MGA: variants seen among roughly 807,000 people sequenced by gnomAD.
MGA encodes MAX dimerization protein MGA.
In MGA, 40 loss-of-function variants were observed where a neutral mutation model predicts 261.1. The observed-to-expected ratio is 0.15, with a 90% CI of 0.12 to 0.20. MGA has a LOEUF of 0.20. Among genes scored for constraint, MGA ranks in the 10% least tolerant of loss-of-function variants. MGA has a pLI of 1.00. For missense variants in MGA, 3,397 were observed against 3,630.5 expected (o/e 0.94, Z 1.65); for synonymous variants, 1,302 against 1,290.6 (o/e 1.01, Z -0.19).
At chr15:41,746,957 T>A (rs1017004885) in intron 15 of MGA, among the ~76,000 whole-genome samples, 1 of 86,782 alleles carries the variant, frequency 1.2e-5, no homozygotes, top group Non-Finnish European at 2.2e-5. Context: ...TTCCTACCTC[T>A]TTATCTCTTT....
intron 22 of MGA, among the ~76,000 whole-genome samples, chr15:41,764,393 A>G (rs1351860576): frequency 6.6e-6 from 1 of 151,728 alleles, no homozygotes; most frequent in African/African-American, 2.4e-5. Context: ...AGCTGGGACT[A>G]CAGGCGCCCG....
At chr15:41,660,154 G>C (rs1293036373), upstream of MGA, among the ~76,000 whole-genome samples, 1 of 152,226 alleles carries the variant, frequency 6.6e-6, no homozygotes, top group East Asian at 1.9e-4. Flanking sequence ...CAAGCCTGAG[G>C]AGTTTAGGTG....
chr15:41,635,995 T>G (rs952590985), intron 1 of MGA, among the ~76,000 whole-genome samples: 1 of 152,198 alleles, frequency 6.6e-6, no homozygotes, highest in Non-Finnish European at 1.5e-5. Context: ...CAGTACTAGA[T>G]GATACTGCAA....
At chr15:41,694,261 C>G (rs1242626291) in intron 2 of MGA, among the ~76,000 whole-genome samples, 1 of 151,688 alleles carries the variant, frequency 6.6e-6, no homozygotes, top group East Asian at 2.0e-4. Context: ...ACTAAAAATA[C>G]AAAAATTAGC....
chr15:41,662,876 T>G (rs1181896829), intron 1 of MGA, among the ~76,000 whole-genome samples: 2 of 152,206 alleles, frequency 1.3e-5, no homozygotes, highest in African/African-American at 4.8e-5. Context: ...TATGAAAGGT[T>G]GTAGAAGTTT....
At chr15:41,643,078 TA>T (rs2056857414) in intron 1 of MGA, among the ~76,000 whole-genome samples, 2 of 151,344 alleles carry the variant, frequency 1.3e-5, no homozygotes, top group African/African-American at 4.8e-5. Flanking sequence ...AATTATTTTT[TA>T]TTTTTTTTTT....
intron 1 of MGA, among the ~76,000 whole-genome samples, chr15:41,623,433 G>T (rs1281804312): frequency 6.6e-6 from 1 of 152,130 alleles, no homozygotes; most frequent in African/African-American, 2.4e-5. Flanking sequence ...GAGAAAAAAT[G>T]GGATTTCTAC....
rs1368252576 is a variant in MGA, at chr15:41,765,171, G to C, written c.7921+109G>C. On this transcript the variant is annotated intron_variant, in intron 23 of 23. Coordinates refer to ENST00000219905, the MANE Select transcript of MGA (RefSeq NM_001164273.2). ...TTCTGTAATGATAAAGAGCTATTCTGTTGGCATTTGCCTTGGTAAGAGGTG... is the reference window on the plus strand; with the variant it reads ...TTCTGTAATGATAAAGAGCTATTCTCTTGGCATTTGCCTTGGTAAGAGGTG... 4 of 1,278,570 alleles carry C rather than the reference G, an allele frequency of 3.1e-6. No homozygotes were observed. The Admixed American group carries it at 5.6e-5, about 18-fold the overall frequency. The allele number at this position is 1,278,570 out of a possible 1,614,324, so 79.2% of individuals were successfully genotyped here. A position where few individuals can be genotyped will look rare whatever the true frequency, so the allele number is the denominator to read the frequency against.
intron 2 of MGA, among the ~76,000 whole-genome samples, chr15:41,686,733 A>G (rs1216820892): frequency 2.6e-5 from 4 of 152,192 alleles, no homozygotes; most frequent in Non-Finnish European, 5.9e-5. Context: ...ATCCATTGAA[A>G]TACCATATGT....
chr15:41,733,922 C>CTTTT (rs143496306), intron 11 of MGA, among the ~76,000 whole-genome samples: 84,373 of 144,972 alleles, frequency 0.58, 25,555 homozygotes, highest in Middle Eastern at 0.71. Flanking sequence ...TTGTTTCTTT[C>CTTTT]TTTTTTTTTT....
rs1158384905 is a variant in MGA at position 41,663,469 on chromosome 15, TTC to T, written c.-68+2946_-68+2947del. On this transcript the variant is annotated intron_variant, in intron 1 of 23. Coordinates refer to ENST00000219905, the MANE Select transcript of MGA (RefSeq NM_001164273.2). Reference sequence around the variant, plus strand: ...TTCATGAGTAGCCTACCCTTTTCTTTTCTTTATTATTATTATTGTTGTTGTTG... The same window carrying T: ...TTCATGAGTAGCCTACCCTTTTCTTTTTTATTATTATTATTGTTGTTGTTG... Among the ~76,000 whole-genome samples, 3 of 140,424 alleles carry T rather than the reference TTC, an allele frequency of 2.1e-5. No homozygotes were observed. In the East Asian group the frequency reaches 7.5e-4, roughly 35 times the overall value. 92.1% of individuals were successfully genotyped at this position (140,424 alleles called of 152,430 possible). A position where few individuals can be genotyped will look rare whatever the true frequency, so the allele number is the denominator to read the frequency against.
Position 41,696,392 on chromosome 15 carries a change from T to C in MGA, c.1382T>C (p.Leu461Ser). Residue 461 changes from leucine (L) to serine (S), a missense_variant, in exon 3 of 24, where the codon TTA (leucine) becomes TCA (serine). Transcript: ENST00000219905. The stretch of plus-strand genomic sequence containing the variant: ...GTTGCTAAAGCTAAAATGTTCAAAT[T>C]AGACACTGGAAAGATGCCAGTAGTC... 6.2e-7 allele frequency: 1 copy of C among 1,613,956 alleles called. No individual in the cohort carries two copies. Among genetic ancestry groups the C allele is most frequent in the South Asian group, 1.1e-5 (1 of 91,082 alleles).
upstream of MGA, among the ~76,000 whole-genome samples, chr15:41,659,553 GAGA>G (rs1201637894): frequency 6.6e-6 from 1 of 152,212 alleles, no homozygotes; most frequent in Non-Finnish European, 1.5e-5. Flanking sequence ...GTAAGGAGTA[GAGA>G]AGGAGAAAGA....
chr15:41,684,066 T>C (rs1290385783), intron 2 of MGA, among the ~76,000 whole-genome samples: 2 of 152,152 alleles, frequency 1.3e-5, no homozygotes, highest in Non-Finnish European at 2.9e-5. Flanking sequence ...CCTATATGTA[T>C]GTTTATTATA....
intron 2 of MGA, among the ~76,000 whole-genome samples, chr15:41,676,421 C>T (rs759123270): frequency 7.2e-5 from 11 of 152,004 alleles, no homozygotes; most frequent in South Asian, 2.1e-4. Context: ...CCCCAAGTGC[C>T]GGGATTACAG....
intron 13 of MGA, 37 bp downstream of exon 13, chr15:41,736,735 T>C: frequency 6.5e-7 from 1 of 1,528,392 alleles, no homozygotes; most frequent in Non-Finnish European, 8.8e-7. Context: ...AGCACCTTTG[T>C]ATACACCTAG....
At chr15:41,630,748 A>C (rs1228818858) in intron 1 of MGA, among the ~76,000 whole-genome samples, 1 of 152,168 alleles carries the variant, frequency 6.6e-6, no homozygotes, top group East Asian at 1.9e-4. Flanking sequence ...CCAGCTTCTC[A>C]GTAGTCGGGA....
Position 41,750,568 on chromosome 15 carries a change from G to T in MGA, c.6961G>T (p.Asp2321Tyr). The T allele has an allele frequency of 6.2e-7, 1 of 1,611,486 alleles. No individual in the cohort carries two copies. Among genetic ancestry groups the T allele is most frequent in the Non-Finnish European group, 8.5e-7 (1 of 1,178,690 alleles). Residue 2321 changes from aspartate to tyrosine, a missense_variant, in exon 17 of 24, where the codon GAT becomes TAT. Asp to Tyr is a radical substitution (Grantham distance 160). Coordinates refer to ENST00000219905, the MANE Select transcript of MGA (RefSeq NM_001164273.2). ...TGATGATTCTATTGATGAAATTGTG[G>T]ATGTTGTTTCTGACTACCAGAGTGA...
At chr15:41,713,064 A>G (rs2060465654) in intron 8 of MGA, 87 bp from the exon 9 acceptor site, 2 of 1,520,776 alleles carry the variant, frequency 1.3e-6, no homozygotes, top group Non-Finnish European at 1.8e-6. Flanking sequence ...AAAATCAGAG[A>G]GTAATGCAGT....
Sources: gnomAD v4.1 joint callset for allele counts (sites outside exome capture counted in the v4.1 genomes callset) on GRCh38, gnomAD v4.1.1 for gene constraint, MANE v1.5 for transcripts, NCBI Gene and HGNC (gene_info 2026-07-23, HGNC 2026-07-21) for gene names.